WLS: variants seen among roughly 807,000 people sequenced by gnomAD.
The protein encoded by WLS is Wnt ligand secretion mediator.
Under a neutral mutation model 62.8 loss-of-function variants are expected in WLS, and 23 were observed. The observed-to-expected ratio is 0.37, with a 90% CI of 0.26 to 0.52. The LOEUF (loss-of-function observed/expected upper bound fraction) is 0.52. Among genes scored for constraint, WLS ranks in the 20% least tolerant of loss-of-function variants. WLS has a pLI of 0.92. For synonymous variants in WLS, 246 were observed against 244.1 expected (o/e 1.01, Z -0.07); for missense variants, 615 against 697.3 (o/e 0.88, Z 1.33).
intron 11 of WLS, among the ~76,000 whole-genome samples, chr1:68,110,691 C>CTCTCTCTCTCTCTCTCT (rs1646216406): frequency 1.6e-4 from 23 of 143,130 alleles, no homozygotes; most frequent in African/African-American, 5.7e-4. Flanking sequence ...CTCTCTCTCT[C>CTCTCTCTCTCTCTCTCT]CATATATATA....
intron 6 of WLS, 135 bp from the exon 7 acceptor site, chr1:68,148,795 G>T (rs1051142179): frequency 6.9e-6 from 5 of 725,938 alleles, no homozygotes; most frequent in Admixed American, 2.4e-5. Flanking sequence ...CTAGGTATGA[G>T]AACAAAGAAG....
chr1:68,214,182 A>AACACACACACACAC (rs71581159), intron 1 of WLS, among the ~76,000 whole-genome samples: 43 of 146,620 alleles, frequency 2.9e-4, no homozygotes, highest in Non-Finnish European at 5.3e-4. Context: ...GTGATCTCTG[A>AACACACACACACAC]ACACACACAC....
At chr1:68,183,679 T>C (rs1647729152) in intron 2 of WLS, 2 of 306,064 alleles carry the variant, frequency 6.5e-6, no homozygotes, top group Non-Finnish European at 1.4e-5. Context: ...ATTGTTCCCT[T>C]TATTCCAGTT....
chr1:68,176,145 G>C (rs935798613), intron 2 of WLS, among the ~76,000 whole-genome samples: 4 of 152,158 alleles, frequency 2.6e-5, no homozygotes, highest in Non-Finnish European at 5.9e-5. Flanking sequence ...CAACAGAGAA[G>C]CCTGAGAGGC....
At position 68,105,025 on chromosome 1, in the gene WLS, T is replaced by C. The variant is rs535599250; in HGVS notation, c.1511-6272A>G. The stretch of plus-strand genomic sequence containing the variant: ...TTAGGCAGTCACTGCCTGTGCATAG[T>C]TGATGTATCTATGTGGTCCCATTCT... On this transcript the variant is annotated intron_variant, in intron 11 of 11. Transcript: ENST00000354777. 1.6e-4 allele frequency among the ~76,000 whole-genome samples: 25 copies of C among 152,378 alleles called. No individual in the cohort carries two copies. In the South Asian group the frequency reaches 4.8e-3, roughly 29 times the overall value.
At position 68,228,842 on chromosome 1, in the gene WLS, C is replaced by CAA. The variant is rs66626696; in HGVS notation, c.106+3350_106+3351dup. On this transcript the variant is annotated intron_variant, in intron 1 of 11. Transcript: ENST00000262348. ...AGGTTTAGCTTACAGACACTGGTGC[C>CAA]AAAAAAAAAAAAAAAAAAAAAAAAA... Among the ~76,000 whole-genome samples the CAA allele has an allele frequency of 1.0e-4, 6 of 58,032 alleles. 1 individual carries two copies. Among genetic ancestry groups the CAA allele is most frequent in the Admixed American group, 3.5e-4 (1 of 2,830 alleles). The allele number at this position is 58,032 out of a possible 152,430, so 38.1% of individuals were successfully genotyped here.
intron 1 of WLS, among the ~76,000 whole-genome samples, chr1:68,204,075 G>T (rs1431924795): frequency 6.6e-6 from 1 of 152,090 alleles, no homozygotes; most frequent in Non-Finnish European, 1.5e-5. Context: ...TAAAGTACAG[G>T]GCATTCTGAA....
intron 1 of WLS, among the ~76,000 whole-genome samples, chr1:68,208,674 T>C (rs566372557): frequency 1.1e-4 from 17 of 152,310 alleles, no homozygotes; most frequent in African/African-American, 3.8e-4. Flanking sequence ...ACAGAATCCC[T>C]ACTTGGAGAC....
chr1:68,102,965 C>T (rs1380162206), intron 11 of WLS, among the ~76,000 whole-genome samples: 1 of 152,158 alleles, frequency 6.6e-6, no homozygotes, highest in Non-Finnish European at 1.5e-5. Context: ...CATCTTTCTT[C>T]CCCTGGCAGT....
At chr1:68,199,120 C>G (rs1318157723) in intron 1 of WLS, among the ~76,000 whole-genome samples, 2 of 152,160 alleles carry the variant, frequency 1.3e-5, no homozygotes, top group African/African-American at 2.4e-5. Context: ...ACTAAAACAA[C>G]AGGCTGACAT....
chr1:68,109,008 A>G (rs1646184963), intron 11 of WLS, among the ~76,000 whole-genome samples: 1 of 152,206 alleles, frequency 6.6e-6, no homozygotes, highest in African/African-American at 2.4e-5. Flanking sequence ...AATAAAGACA[A>G]CCTGACAAAG....
chr1:68,160,581 C>T (rs112861778), intron 2 of WLS, among the ~76,000 whole-genome samples: 7,000 of 152,218 alleles, frequency 0.046, 246 homozygotes, highest in African/African-American at 0.1. Context: ...TTTCAGAACT[C>T]AACAAATTTT....
chr1:68,115,804 G>A (rs915180435), intron 11 of WLS, among the ~76,000 whole-genome samples: 11 of 152,102 alleles, frequency 7.2e-5, no homozygotes, highest in Admixed American at 2.0e-4. Context: ...TTTGTATGAG[G>A]TTAGGCATAA....
chr1:68,151,605 G>GA (rs546410007), intron 5 of WLS, among the ~76,000 whole-genome samples: 170 of 150,936 alleles, frequency 1.1e-3, no homozygotes, highest in Non-Finnish European at 2.1e-3. Flanking sequence ...TGAGCATCAT[G>GA]AAAAAAAAAG....
intron 1 of WLS, among the ~76,000 whole-genome samples, chr1:68,207,532 A>C (rs1649329987): frequency 6.6e-6 from 1 of 152,242 alleles, no homozygotes; most frequent in African/African-American, 2.4e-5. Context: ...ATTACCCTCT[A>C]CAAAAAGTAT....
intron 11 of WLS, chr1:68,098,864 A>G: frequency 7.0e-7 from 1 of 1,427,312 alleles, no homozygotes; most frequent in South Asian, 1.6e-5. Context: ...TACCTACATA[A>G]ATTTCTAGTG....
intron 1 of WLS, chr1:68,231,819 G>A (rs938871804): frequency 2.0e-6 from 1 of 490,022 alleles, no homozygotes; most frequent in Non-Finnish European, 3.9e-6. Flanking sequence ...CTGATTGGAA[G>A]GGAACCGAGA....
intron 11 of WLS, among the ~76,000 whole-genome samples, chr1:68,102,282 ACTTCT>A (rs1440756050): frequency 6.6e-6 from 1 of 152,134 alleles, no homozygotes; most frequent in Non-Finnish European, 1.5e-5. Context: ...GGAAAGAATG[ACTTCT>A]CTTCTTAGGG....
At chr1:68,106,696 G>A (rs1022720547) in intron 11 of WLS, among the ~76,000 whole-genome samples, 11 of 151,196 alleles carry the variant, frequency 7.3e-5, no homozygotes, top group African/African-American at 1.5e-4. Flanking sequence ...ACCTGGAAAC[G>A]CGTGTGCATG....
Sources: allele counts gnomAD v4.1 joint callset (sites outside exome capture counted in the v4.1 genomes callset), GRCh38; gene constraint gnomAD v4.1.1; transcripts MANE v1.5; gene names NCBI Gene and HGNC (gene_info 2026-07-23, HGNC 2026-07-21).